The following CSMD1 variants were observed in gnomAD, a reference collection of about 807,000 sequenced individuals.
The protein encoded by CSMD1 is CUB and sushi domain-containing protein 1.
A neutral mutation model predicts 417.5 loss-of-function variants in CSMD1; 213 were observed. The ratio of observed to expected loss-of-function variants is 0.51; its 90% CI spans 0.46 to 0.57. The LOEUF (loss-of-function observed/expected upper bound fraction) is 0.57. CSMD1 is among the 20% of genes least tolerant of loss of function. The pLI, the probability that CSMD1 is intolerant of heterozygous loss-of-function variation, is 0.00. For synonymous variants in CSMD1, 2,862 were observed against 1,736.8 expected (o/e 1.65, Z -16.11); for missense variants, 6,923 against 4,529.7 (o/e 1.53, Z -15.17).
intron 40 of CSMD1, among the ~76,000 whole-genome samples, chr8:3,146,484 T>A (rs532261737): frequency 6.6e-6 from 1 of 152,260 alleles, no homozygotes; most frequent in East Asian, 1.9e-4. Flanking sequence ...TATATTATAT[T>A]CCCTTTAAAA....
intron 26 of CSMD1, among the ~76,000 whole-genome samples, chr8:3,234,299 C>G (rs1430225120): frequency 1.3e-5 from 2 of 152,190 alleles, no homozygotes; most frequent in East Asian, 3.9e-4. Context: ...AGCACTTTTA[C>G]TGTATTTTCA....
intron 1 of CSMD1, among the ~76,000 whole-genome samples, chr8:4,730,634 G>T (rs554152932): frequency 1.3e-5 from 2 of 152,098 alleles, no homozygotes; most frequent in South Asian, 2.1e-4. Context: ...CCAGCTACTC[G>T]GGAGGCTGAG....
In CSMD1 at chr8:4,294,133, C is replaced by T. The variant is rs539951802; in HGVS notation, c.415+125820G>A. 4.7e-4 allele frequency among the ~76,000 whole-genome samples: 71 copies of T among 152,244 alleles called. 1 individual carries two copies. The highest frequency in any genetic ancestry group is 1.9e-3 in the East Asian group (10 of 5,176). On this transcript the variant is annotated intron_variant, in intron 3 of 69. Transcript: ENST00000635120. ...AAAAGTAATGTGGCAATGACACTGA[C>T]GTCTGATTAACCCCGACCAGCAGCC...
chr8:3,770,183 C>G (rs796834864), intron 5 of CSMD1, among the ~76,000 whole-genome samples: 2 of 152,340 alleles, frequency 1.3e-5, no homozygotes, highest in African/African-American at 2.4e-5. Flanking sequence ...ACAGGTCCCT[C>G]TCCCATGATT....
chr8:4,235,357 TTTG>T (rs1801982570), intron 3 of CSMD1, among the ~76,000 whole-genome samples: 1 of 119,766 alleles, frequency 8.3e-6, no homozygotes, highest in South Asian at 2.4e-4. Flanking sequence ...AAAGACGTGT[TTTG>T]TTTTTTTTTT....
rs1014093045 is a variant in CSMD1 at position 3,679,071 on chromosome 8, G to T, written c.1009+29343C>A. ...AAAGGAACAACTGGTACTAGCCACT[G>T]CAAAAACATGCCAAATTGTAAAGAC... On this transcript the variant is annotated intron_variant, in intron 7 of 69. Transcript: ENST00000635120. Among the ~76,000 whole-genome samples the T allele has an allele frequency of 3.9e-5, 6 of 152,196 alleles. No homozygotes were observed. The East Asian group carries it at 1.2e-3, about 29-fold the overall frequency.
intron 52 of CSMD1, among the ~76,000 whole-genome samples, chr8:3,004,791 G>A (rs550586912): frequency 6.6e-6 from 1 of 152,136 alleles, no homozygotes; most frequent in Admixed American, 6.5e-5. Flanking sequence ...GAATGAAATG[G>A]TCTGCTCCAG....
chr8:3,901,310 C>T (rs1187361326), intron 5 of CSMD1, among the ~76,000 whole-genome samples: 2 of 152,118 alleles, frequency 1.3e-5, no homozygotes, highest in Non-Finnish European at 2.9e-5. Context: ...GCATCAGTGA[C>T]ACTCTTGCTA....
intron 20 of CSMD1, among the ~76,000 whole-genome samples, chr8:3,362,307 T>G (rs889592977): frequency 3.3e-5 from 5 of 152,208 alleles, no homozygotes; most frequent in Non-Finnish European, 7.3e-5. Context: ...TGTCTTCCTC[T>G]CATCTATTCA....
intron 1 of CSMD1, among the ~76,000 whole-genome samples, chr8:4,686,210 G>T (rs1051549217): frequency 6.6e-6 from 1 of 152,216 alleles, no homozygotes; most frequent in Non-Finnish European, 1.5e-5. Context: ...GAGTTAGTAA[G>T]GCTTTTCTTT....
chr8:4,873,706 T>C lies in CSMD1; in HGVS notation c.85+120626A>G, dbSNP rs1048891313. Among the ~76,000 whole-genome samples, 43 of 152,118 alleles carry C rather than the reference T, an allele frequency of 2.8e-4. 1 individual carries two copies. Among genetic ancestry groups the C allele is most frequent in the African/African-American group, 1.0e-3 (42 of 41,386 alleles). On this transcript the variant is annotated intron_variant, in intron 1 of 69. Coordinates refer to ENST00000635120, the MANE Select transcript of CSMD1 (RefSeq NM_033225.6). ...TGATACAGTAGAGAACTAATCAAAC[T>C]AAACCAATATTTGGCTTCAAGGAGC...
chr8:4,361,177 T>C (rs1222409480), intron 3 of CSMD1, among the ~76,000 whole-genome samples: 3 of 152,164 alleles, frequency 2.0e-5, no homozygotes, highest in Non-Finnish European at 4.4e-5. Flanking sequence ...ATTAGACTTA[T>C]TAAGCTGTGA....
chr8:4,143,338 C>A lies in CSMD1; in HGVS notation c.416-111239G>T, dbSNP rs1170051812. Reference sequence around the variant, plus strand: ...TATTTCCAGTTCTTCAAATCTGATTCATGGGCTGCTGAAATATAATGACGT... The same window carrying A: ...TATTTCCAGTTCTTCAAATCTGATTAATGGGCTGCTGAAATATAATGACGT... On this transcript the variant is annotated intron_variant, in intron 3 of 69. Transcript: ENST00000635120. 2.1e-5 allele frequency among the ~76,000 whole-genome samples: 3 copies of A among 146,112 alleles called. 1 individual carries two copies. Among genetic ancestry groups the A allele is most frequent in the Admixed American group, 6.8e-5 (1 of 14,660 alleles).
chr8:4,221,986 C>T (rs1801058631), intron 3 of CSMD1, among the ~76,000 whole-genome samples: 1 of 151,968 alleles, frequency 6.6e-6, no homozygotes, highest in Admixed American at 6.6e-5. Flanking sequence ...AAGCTGTCCA[C>T]CCAACGGTCT....
At chr8:3,841,121 C>T (rs1013622578) in intron 5 of CSMD1, among the ~76,000 whole-genome samples, 4 of 152,034 alleles carry the variant, frequency 2.6e-5, no homozygotes, top group African/African-American at 9.7e-5. Context: ...GGAAGCCTGG[C>T]ACTATTGGCC....
chr8:3,432,062 C>T (rs972419783), intron 12 of CSMD1, among the ~76,000 whole-genome samples: 5 of 152,076 alleles, frequency 3.3e-5, no homozygotes, highest in Non-Finnish European at 7.4e-5. Flanking sequence ...AAAATTATAA[C>T]ATAATAATAG....
At chr8:4,609,012 GA>G (rs60439250) in intron 2 of CSMD1, among the ~76,000 whole-genome samples, 24,819 of 138,112 alleles carry the variant, frequency 0.18, 2,001 homozygotes, top group South Asian at 0.25. Flanking sequence ...CTTGAATGTA[GA>G]AAAAAAAAAA....
chr8:3,070,415 G>A (rs921361467), intron 49 of CSMD1, among the ~76,000 whole-genome samples: 2 of 152,180 alleles, frequency 1.3e-5, no homozygotes, highest in Admixed American at 6.5e-5. Flanking sequence ...ATTTGCTCCT[G>A]TATTTGAACA....
intron 3 of CSMD1, among the ~76,000 whole-genome samples, chr8:4,380,043 A>T (rs559686182): frequency 6.6e-6 from 1 of 152,244 alleles, no homozygotes; most frequent in Non-Finnish European, 1.5e-5. Context: ...GGTATAAATT[A>T]AATATCCATC....
Sources: gnomAD v4.1 joint callset for allele counts (sites outside exome capture counted in the v4.1 genomes callset) on GRCh38, gnomAD v4.1.1 for gene constraint, MANE v1.5 for transcripts, NCBI Gene and HGNC (gene_info 2026-07-23, HGNC 2026-07-21) for gene names.